Variants in LAMA2 observed in about 807,000 individuals in gnomAD.
The protein encoded by LAMA2 is laminin subunit alpha 2.
In LAMA2, 269 loss-of-function variants were observed where a neutral mutation model predicts 364.8. That is an observed-to-expected ratio of 0.74 (90% confidence interval 0.67 to 0.82). The LOEUF is 0.82. Among genes scored for constraint, LAMA2 ranks in the 40% least tolerant of loss-of-function variants. The pLI is 0.00. For missense variants in LAMA2, 3,807 were observed against 3,873.2 expected (o/e 0.98, Z 0.45); for synonymous variants, 1,379 against 1,370.6 (o/e 1.01, Z -0.14).
At chr6:129,027,037 A>G (rs1178033475) in intron 1 of LAMA2, among the ~76,000 whole-genome samples, 1 of 152,092 alleles carries the variant, frequency 6.6e-6, no homozygotes, top group Non-Finnish European at 1.5e-5. Flanking sequence ...AAAAAGAAAA[A>G]AAGCAATACC....
Position 129,315,473 on chromosome 6 carries a change from C to T in LAMA2, c.3556-3C>T. 1.2e-6 allele frequency: 2 copies of T among 1,613,922 alleles called. No individual in the cohort carries two copies. The highest frequency in any genetic ancestry group is 1.1e-5 in the South Asian group (1 of 91,076). On this transcript the variant is annotated splice_polypyrimidine_tract_variant and splice_region_variant and intron_variant, in intron 24 of 64. Coordinates refer to ENST00000421865, the MANE Select transcript of LAMA2 (RefSeq NM_000426.4). ...CCTTCTGCTGTATTTTGACCCCTTGCAGGTGACTCTGAAGGCTGAGCAGAC... is the reference window on the plus strand; with the variant it reads ...CCTTCTGCTGTATTTTGACCCCTTGTAGGTGACTCTGAAGGCTGAGCAGAC...
chr6:129,268,909 A>G (rs1219574712), intron 16 of LAMA2, among the ~76,000 whole-genome samples: 3 of 152,076 alleles, frequency 2.0e-5, no homozygotes, highest in Non-Finnish European at 1.5e-5. Flanking sequence ...CATTTTGAGT[A>G]TATGGGTTCT....
intron 8 of LAMA2, chr6:129,158,740 G>A (rs912356766): frequency 6.2e-7 from 1 of 1,614,024 alleles, no homozygotes; most frequent in African/African-American, 1.3e-5. Context: ...TACATAAATT[G>A]GTCCGACAAC....
At chr6:129,490,263 A>T (rs1268630165) in intron 56 of LAMA2, among the ~76,000 whole-genome samples, 1 of 152,178 alleles carries the variant, frequency 6.6e-6, no homozygotes, top group Non-Finnish European at 1.5e-5. Context: ...CCATCTTATA[A>T]ATGAATGAAA....
At chr6:129,419,672 C>T (rs1025035375) in intron 40 of LAMA2, among the ~76,000 whole-genome samples, 2 of 152,116 alleles carry the variant, frequency 1.3e-5, no homozygotes, top group South Asian at 2.1e-4. Context: ...TTCACACTCA[C>T]GAATTTTAAA....
In LAMA2 at chr6:129,165,812, G is replaced by A. The variant is rs774624836; in HGVS notation, c.1306+137G>A. 2.5e-4 allele frequency: 166 copies of A among 676,320 alleles called. 1 individual carries two copies. The highest frequency in any genetic ancestry group is 2.3e-3 in the Middle Eastern group (7 of 3,052). 41.9% of individuals were successfully genotyped at this position (676,320 alleles called of 1,614,324 possible). On this transcript the variant is annotated intron_variant, in intron 9 of 64. Coordinates refer to ENST00000421865, the MANE Select transcript of LAMA2 (RefSeq NM_000426.4). Reference sequence around the variant, plus strand: ...TTCTTTAATCTATCAGTGTATTAGCGTTCCCTCCAGGAAGTAGTTTTTAAA... The same window carrying A: ...TTCTTTAATCTATCAGTGTATTAGCATTCCCTCCAGGAAGTAGTTTTTAAA...
rs754865488 is a variant in LAMA2 at position 129,403,853 on chromosome 6, A to G, written c.5759A>G (p.Asn1920Ser). ...GATGAGGCTAAAAACATCTCCTTCA[A>G]TGCCACTGCAGCCTTCAAAGCTTAC... ...ILDEAKNISF[N>S]ATAAFKAYSN... The change falls in exon 40 of 65, where the codon AAT becomes AGT. Residue 1920 changes from asparagine to serine, a missense_variant. By Grantham distance (46) the Asn-to-Ser change is conservative. Transcript: ENST00000421865. The G allele has an allele frequency of 3.7e-6, 6 of 1,613,816 alleles. No individual in the cohort carries two copies. Among genetic ancestry groups the G allele is most frequent in the Middle Eastern group, 3.3e-4 (2 of 6,060 alleles).
intron 1 of LAMA2, among the ~76,000 whole-genome samples, chr6:129,007,285 G>T (rs780209927): frequency 1.8e-4 from 27 of 152,110 alleles, no homozygotes; most frequent in Non-Finnish European, 2.9e-4. Context: ...GCACCTCTTG[G>T]CAGCACTGCT....
At chr6:129,480,723 T>C (rs892959228) in intron 54 of LAMA2, among the ~76,000 whole-genome samples, 3 of 152,196 alleles carry the variant, frequency 2.0e-5, no homozygotes, top group Non-Finnish European at 4.4e-5. Flanking sequence ...ACTTTAATAT[T>C]GAGAAAAAAC....
At chr6:129,066,959 C>T (rs1400626890) in intron 3 of LAMA2, among the ~76,000 whole-genome samples, 1 of 152,126 alleles carries the variant, frequency 6.6e-6, no homozygotes, top group Non-Finnish European at 1.5e-5. Flanking sequence ...AACTGTAAAA[C>T]TACTGAAAGA....
chr6:129,050,954 A>G (rs1787957347), intron 2 of LAMA2, among the ~76,000 whole-genome samples: 1 of 152,136 alleles, frequency 6.6e-6, no homozygotes, highest in African/African-American at 2.4e-5. Context: ...AAAGCATTGT[A>G]TTGGAGCATA....
chr6:128,906,977 T>C (rs1216144031), intron 1 of LAMA2, among the ~76,000 whole-genome samples: 1 of 151,446 alleles, frequency 6.6e-6, no homozygotes, highest in African/African-American at 2.4e-5. Flanking sequence ...AGGGCTCTGT[T>C]CTGTTCCATT....
rs116337139 is a variant in LAMA2, at chr6:129,211,229, C to T, written c.1782+18376C>T. The stretch of plus-strand genomic sequence containing the variant: ...AATTGCACTCAGCTGAGCTATTGTC[C>T]ATATCTAGATGCACTGATGATACAC... On this transcript the variant is annotated intron_variant, in intron 12 of 64. Coordinates refer to ENST00000421865, the MANE Select transcript of LAMA2 (RefSeq NM_000426.4). Among the ~76,000 whole-genome samples the T allele has an allele frequency of 6.0e-3, 910 of 152,180 alleles. 11 individuals carry two copies. The highest frequency in any genetic ancestry group is 0.031 in the Middle Eastern group (9 of 294).
intron 12 of LAMA2, among the ~76,000 whole-genome samples, chr6:129,207,761 C>A (rs1782776213): frequency 6.6e-6 from 1 of 150,752 alleles, no homozygotes. Context: ...CACCTGTTAG[C>A]TGCCAACTTC....
At chr6:129,330,587 GTTTGGTTTTTGTTTT>G (rs1365613539) in intron 29 of LAMA2, among the ~76,000 whole-genome samples, 1 of 74,890 alleles carries the variant, frequency 1.3e-5, no homozygotes, top group Non-Finnish European at 2.7e-5. Context: ...TTTTGTTGTT[GTTTGGTTTTTGTTTT>G]TTTTTTTTTT....
At chr6:128,897,319 A>T (rs1314913417) in intron 1 of LAMA2, among the ~76,000 whole-genome samples, 1 of 152,218 alleles carries the variant, frequency 6.6e-6, no homozygotes, top group African/African-American at 2.4e-5. Flanking sequence ...ATATCAGAAG[A>T]GTCTATGAAC....
rs372700729 is a variant in LAMA2 at position 129,049,874 on chromosome 6, C to G, written c.113-44C>G. 1.1e-4 allele frequency: 173 copies of G among 1,563,832 alleles called. 2 individuals are homozygous for G. The South Asian group carries it at 1.6e-3, about 15-fold the overall frequency. ...CTTTTAAAATGTATCAAAATCCTAA[C>G]TTTGTTTCTGGTCTACACACCTTCA... is the stretch of plus-strand genomic sequence containing the variant. On this transcript the variant is annotated intron_variant, in intron 1 of 64. Coordinates refer to ENST00000421865, the MANE Select transcript of LAMA2 (RefSeq NM_000426.4).
chr6:129,049,697 G>A (rs537057375), intron 1 of LAMA2, among the ~76,000 whole-genome samples: 10 of 152,142 alleles, frequency 6.6e-5, no homozygotes, highest in Admixed American at 4.6e-4. Flanking sequence ...TTAAAAAGAG[G>A]CTTAAAGTCC....
At position 129,492,443 on chromosome 6, in the gene LAMA2, C is replaced by T. The variant is rs760196408; in HGVS notation, c.8204C>T (p.Pro2735Leu). 6.2e-7 allele frequency: 1 copy of T among 1,614,068 alleles called. No individual in the cohort carries two copies. Among genetic ancestry groups the T allele is most frequent in the Non-Finnish European group, 8.5e-7 (1 of 1,179,968 alleles). ...AEIVIQPEPV[P>L]TPAFPTPTPV... ...ATAGTTATCCAGCCTGAGCCAGTTC[C>T]CACCCCAGCCTTTCCTACGCCCACC... Residue 2735 changes from proline (P) to leucine (L), a missense_variant, in exon 58 of 65, where the codon CCC (proline) becomes CTC (leucine). Around this residue, in one of 3 missense-constraint regions of LAMA2, gnomAD observed 3,333 missense variants for 3,345.7 expected, o/e 1.00. Coordinates refer to ENST00000421865, the MANE Select transcript of LAMA2 (RefSeq NM_000426.4).
Sources: allele counts gnomAD v4.1 joint callset (sites outside exome capture counted in the v4.1 genomes callset), GRCh38; gene constraint gnomAD v4.1.1; regional missense constraint gnomAD v4.1.1; transcripts MANE v1.5; gene names NCBI Gene and HGNC (gene_info 2026-07-23, HGNC 2026-07-21).